The following KCNN2 variants were observed in gnomAD, a reference collection of about 807,000 sequenced individuals.
The protein encoded by KCNN2 is potassium calcium-activated channel subfamily N member 2.
Under a neutral mutation model 55.5 loss-of-function variants are expected in KCNN2, and 24 were observed. The ratio of observed to expected loss-of-function variants is 0.43; its 90% CI spans 0.31 to 0.61. The LOEUF is 0.61. Among genes scored for constraint, KCNN2 ranks in the 20% least tolerant of loss-of-function variants. KCNN2 has a pLI of 0.08. For missense variants in KCNN2, 754 were observed against 853.6 expected (o/e 0.88, Z 1.45); for synonymous variants, 431 against 336.1 (o/e 1.28, Z -3.09).
chr5:114,075,044 C>G (rs1750657856), intron 1 of KCNN2, among the ~76,000 whole-genome samples: 1 of 152,148 alleles, frequency 6.6e-6, no homozygotes, highest in African/African-American at 2.4e-5. Context: ...ATATCCATAC[C>G]CCTTAGCACT....
intron 1 of KCNN2, among the ~76,000 whole-genome samples, chr5:114,094,192 A>T (rs945103783): frequency 2.6e-5 from 4 of 152,052 alleles, no homozygotes; most frequent in Admixed American, 2.6e-4. Context: ...CTTGCACCCT[A>T]GCAGATGGAT....
At chr5:114,279,967 T>G (rs1311938761) in intron 2 of KCNN2, among the ~76,000 whole-genome samples, 1 of 152,172 alleles carries the variant, frequency 6.6e-6, no homozygotes, top group Non-Finnish European at 1.5e-5. Flanking sequence ...ACCTGTTGTT[T>G]CCTGACTTTT....
At chr5:114,129,129 G>A (rs13175039) in intron 1 of KCNN2, among the ~76,000 whole-genome samples, 14,556 of 152,198 alleles carry the variant, frequency 0.096, 808 homozygotes, top group Middle Eastern at 0.21. Flanking sequence ...CAGAAGGATA[G>A]AGTAGCAGTT....
intron 1 of KCNN2, among the ~76,000 whole-genome samples, chr5:114,111,387 A>G (rs1751592803): frequency 6.6e-6 from 1 of 152,204 alleles, no homozygotes. Flanking sequence ...CCTAGAAGAA[A>G]ACCTAGGCAA....
chr5:114,290,347 T>C lies in KCNN2; in HGVS notation c.-185+68782T>C, dbSNP rs534311769. On this transcript the variant is annotated intron_variant, in intron 2 of 10. Transcript: ENST00000512097. ...AGTAATTTGTATATTTCCATGAATT[T>C]ATATTCATATAGGTTAGTATATAGA... 2.0e-4 allele frequency among the ~76,000 whole-genome samples: 30 copies of C among 152,256 alleles called. No homozygotes were observed. In the South Asian group the frequency reaches 3.9e-3, roughly 20 times the overall value.
At chr5:114,282,558 A>G (rs1337040541) in intron 2 of KCNN2, among the ~76,000 whole-genome samples, 2 of 152,120 alleles carry the variant, frequency 1.3e-5, no homozygotes, top group Non-Finnish European at 2.9e-5. Flanking sequence ...AAATGTAAAG[A>G]TTTATGGCTG....
At chr5:114,405,325 T>C (rs1054943764) in intron 3 of KCNN2, among the ~76,000 whole-genome samples, 1 of 152,190 alleles carries the variant, frequency 6.6e-6, no homozygotes, top group East Asian at 1.9e-4. Flanking sequence ...AGTTTTCAAA[T>C]GATTACTTGA....
intron 1 of KCNN2, 125 bp from the exon 2 acceptor site, chr5:114,363,781 C>T: frequency 1.5e-6 from 1 of 675,958 alleles, no homozygotes; most frequent in Non-Finnish European, 2.6e-6. Context: ...CAGGTGCACC[C>T]CTCTCCCCTT....
chr5:114,362,574 G>A lies in KCNN2; in HGVS notation c.435G>A (p.Gln145=), dbSNP rs1757463076. The A allele has an allele frequency of 1.5e-6, 1 of 670,628 alleles. No homozygotes were observed. The highest frequency in any genetic ancestry group is 2.4e-6 in the Non-Finnish European group (1 of 419,818). The allele number at this position is 670,628 out of a possible 1,614,324, so 41.5% of individuals were successfully genotyped here. A position where few individuals can be genotyped will look rare whatever the true frequency, so the allele number is the denominator to read the frequency against. The change falls in exon 1 of 8, where the codon CAG becomes CAA. Residue 145 remains glutamine, a synonymous_variant. Transcript: ENST00000673685. ...GTGCGCTCCGGCAGCAGTACGCGCA[G>A]CAGTCCGCGCAGCAGTCGGCGTCCG... The part of the protein sequence containing the change: ...HASALRQQYA[Q]QSAQQSASAS...
chr5:114,062,294 C>G (rs1031059702), intron 1 of KCNN2, among the ~76,000 whole-genome samples: 1 of 152,096 alleles, frequency 6.6e-6, no homozygotes, highest in Non-Finnish European at 1.5e-5. Flanking sequence ...GGCAGGGCAG[C>G]GCAAAGACCT....
At chr5:114,488,630 C>A (rs572114379) in intron 6 of KCNN2, among the ~76,000 whole-genome samples, 82 of 152,232 alleles carry the variant, frequency 5.4e-4, no homozygotes, top group Non-Finnish European at 9.6e-4. Context: ...CCCTTTCTCC[C>A]AACCCAGAGA....
At chr5:114,082,820 C>T (rs1750854129) in intron 1 of KCNN2, among the ~76,000 whole-genome samples, 1 of 152,072 alleles carries the variant, frequency 6.6e-6, no homozygotes, top group Admixed American at 6.6e-5. Context: ...AAAGTTGAAT[C>T]CTATATGATT....
At position 114,387,466 on chromosome 5, in the gene KCNN2, T is replaced by C. The variant is rs139674892; in HGVS notation, c.1219-16972T>C. On this transcript the variant is annotated intron_variant, in intron 2 of 7. Coordinates refer to ENST00000673685, the MANE Select transcript of KCNN2 (RefSeq NM_021614.4). ...TTGACTGTTATCAAACTGGGTTTAA[T>C]GTGTTTCATAATACTGTATTCTAAC... is the stretch of plus-strand genomic sequence containing the variant. Among the ~76,000 whole-genome samples, 387 of 152,318 alleles carry C rather than the reference T, an allele frequency of 2.5e-3. 4 individuals carry two copies. The highest frequency in any genetic ancestry group is 8.9e-3 in the African/African-American group (372 of 41,582).
intron 1 of KCNN2, among the ~76,000 whole-genome samples, chr5:114,162,639 G>T (rs1752813207): frequency 6.6e-6 from 1 of 152,306 alleles, no homozygotes; most frequent in South Asian, 2.1e-4. Context: ...TTGAGCTGTG[G>T]TGGGCTCCAC....
chr5:114,301,005 C>CT (rs1756143961), intron 2 of KCNN2, among the ~76,000 whole-genome samples: 1 of 151,458 alleles, frequency 6.6e-6, no homozygotes, highest in South Asian at 2.1e-4. Flanking sequence ...TTAGTAATAA[C>CT]TTTTTTGGAA....
At chr5:114,350,647 G>C (rs1056901742) in intron 2 of KCNN2, among the ~76,000 whole-genome samples, 3 of 151,870 alleles carry the variant, frequency 2.0e-5, no homozygotes, top group Non-Finnish European at 4.4e-5. Context: ...TGTAAAGAAA[G>C]GGTCCAGGTT....
intron 3 of KCNN2, among the ~76,000 whole-genome samples, chr5:114,441,891 GAGAA>G (rs1257680035): frequency 1.3e-5 from 2 of 152,250 alleles, no homozygotes; most frequent in East Asian, 3.9e-4. Context: ...AATTCACACT[GAGAA>G]AGAAACAAGA....
At chr5:114,278,625 C>G (rs1207705754) in intron 2 of KCNN2, among the ~76,000 whole-genome samples, 1 of 152,224 alleles carries the variant, frequency 6.6e-6, no homozygotes, top group Non-Finnish European at 1.5e-5. Context: ...CCATCTCAGA[C>G]TTCTGCACTA....
Position 114,493,412 on chromosome 5 carries a change from T to C in KCNN2, c.2028T>C (p.Ser676=), listed in dbSNP as rs1213831353. 2 of 1,593,798 alleles carry C rather than the reference T, an allele frequency of 1.3e-6. No homozygotes were observed. The highest frequency in any genetic ancestry group is 1.7e-6 in the Non-Finnish European group (2 of 1,161,542). The part of the protein sequence containing the change: ...KFLQAIHQLR[S]VKMEQRKLND... ...AGATTCTATCTTTTAGATTAAGAAG[T>C]GTAAAAATGGAGCAGAGGAAACTGA... The change falls in exon 7 of 8, where the codon AGT becomes AGC. Residue 676 remains serine, a synonymous_variant. Transcript: ENST00000673685.
Sources: allele counts gnomAD v4.1 joint callset (sites outside exome capture counted in the v4.1 genomes callset), GRCh38; gene constraint gnomAD v4.1.1; transcripts MANE v1.5; gene names NCBI Gene and HGNC (gene_info 2026-07-23, HGNC 2026-07-21).